NBAS: variants seen among roughly 807,000 people sequenced by gnomAD.
The protein encoded by NBAS is NAG/BC035112 fusion.
In NBAS, 219 loss-of-function variants were observed where a neutral mutation model predicts 302.5. The observed-to-expected ratio is 0.72, with a 90% CI of 0.65 to 0.81. The LOEUF (loss-of-function observed/expected upper bound fraction) is 0.81. Ranked by LOEUF, NBAS falls within the 30% of genes least tolerant of loss-of-function variation. The pLI is 0.00. For synonymous variants in NBAS, 1,118 were observed against 1,021.6 expected (o/e 1.09, Z -1.80); for missense variants, 2,932 against 2,841.6 (o/e 1.03, Z -0.72).
the NBAS span, among the ~76,000 whole-genome samples, chr2:14,925,234 C>G: frequency 6.6e-6 from 1 of 152,150 alleles, no homozygotes; most frequent in Non-Finnish European, 1.5e-5. Flanking sequence ...ATGTCCTCTC[C>G]TTTTCCATAT....
chr2:15,516,211 A>G (rs1199195066), intron 9 of NBAS, among the ~76,000 whole-genome samples: 2 of 152,214 alleles, frequency 1.3e-5, no homozygotes, highest in Admixed American at 1.3e-4. Context: ...AATTTCACAT[A>G]AATCCTGTAA....
chr2:15,403,864 CGTGTGTGTGTGTGT>C (rs10624311), intron 25 of NBAS, among the ~76,000 whole-genome samples: 5 of 135,410 alleles, frequency 3.7e-5, no homozygotes, highest in African/African-American at 1.1e-4. Flanking sequence ...TTCCTTCCTT[CGTGTGTGTGTGTGT>C]GTGTGTGTGT....
chr2:14,827,763 C>T, the NBAS span, among the ~76,000 whole-genome samples: 1 of 151,968 alleles, frequency 6.6e-6, no homozygotes, highest in Non-Finnish European at 1.5e-5. Flanking sequence ...CTTAGAGGAG[C>T]AGGGAATGGA....
At position 15,403,867 on chromosome 2, in the gene NBAS, G is replaced by A. The variant is rs868636645; in HGVS notation, c.2938-1566C>T. On this transcript the variant is annotated intron_variant, in intron 25 of 51. Coordinates refer to ENST00000281513, the MANE Select transcript of NBAS (RefSeq NM_015909.4). Reference sequence around the variant, plus strand: ...CCTGATTTATTTTTCCTTCCTTCGTGTGTGTGTGTGTGTGTGTGTGTGTGT... The same window carrying A: ...CCTGATTTATTTTTCCTTCCTTCGTATGTGTGTGTGTGTGTGTGTGTGTGT... Among the ~76,000 whole-genome samples, 450 of 134,058 alleles carry A rather than the reference G, an allele frequency of 3.4e-3. 4 individuals are homozygous for A. Among genetic ancestry groups the A allele is most frequent in the African/African-American group, 0.012 (421 of 33,904 alleles). 87.9% of individuals were successfully genotyped at this position (134,058 alleles called of 152,430 possible).
chr2:15,286,433 C>G (rs1166083022), intron 42 of NBAS, among the ~76,000 whole-genome samples: 1 of 152,208 alleles, frequency 6.6e-6, no homozygotes, highest in African/African-American at 2.4e-5. Flanking sequence ...GTCAAAAGCC[C>G]TTGCTAGGGC....
At chr2:15,193,970 T>C (rs1665488463) in intron 48 of NBAS, among the ~76,000 whole-genome samples, 1 of 151,496 alleles carries the variant, frequency 6.6e-6, no homozygotes, top group South Asian at 2.1e-4. Flanking sequence ...CTAAAGAACA[T>C]GGTATTCAGA....
In NBAS at chr2:15,379,453, T is replaced by C. The variant is rs1432328033; in HGVS notation, c.3590+149A>G. 5 of 798,374 alleles carry C rather than the reference T, an allele frequency of 6.3e-6. No homozygotes were observed. In the East Asian group the frequency reaches 8.0e-5, roughly 13 times the overall value. 49.5% of individuals were successfully genotyped at this position (798,374 alleles called of 1,614,324 possible). A position where few individuals can be genotyped will look rare whatever the true frequency, so the allele number is the denominator to read the frequency against. On this transcript the variant is annotated intron_variant, in intron 30 of 51. Coordinates refer to ENST00000281513, the MANE Select transcript of NBAS (RefSeq NM_015909.4). ...GACATTCATAACATAGTTTTTCTTT[T>C]TATATTCAAGCAAAAAATAACTGTG...
intron 48 of NBAS, among the ~76,000 whole-genome samples, chr2:15,215,153 G>A (rs770200802): frequency 2.6e-4 from 40 of 152,114 alleles, no homozygotes; most frequent in Middle Eastern, 3.4e-3. Flanking sequence ...CTGCCCCCAT[G>A]TCCCTCTCTT....
chr2:15,348,879 G>A (rs545636446), intron 35 of NBAS, among the ~76,000 whole-genome samples: 1 of 152,234 alleles, frequency 6.6e-6, no homozygotes, highest in South Asian at 2.1e-4. Flanking sequence ...ACGTCACACC[G>A]TAAAGTGCTA....
chr2:15,541,691 TA>T (rs894670839), intron 6 of NBAS, among the ~76,000 whole-genome samples: 1 of 151,508 alleles, frequency 6.6e-6, no homozygotes, highest in East Asian at 1.9e-4. Context: ...TAATTTTTTC[TA>T]AAAAATCAAT....
chr2:15,313,837 T>TGG (rs1418790597), intron 38 of NBAS, among the ~76,000 whole-genome samples: 6 of 152,220 alleles, frequency 3.9e-5, no homozygotes, highest in Non-Finnish European at 5.9e-5. Flanking sequence ...AAAGACTTCA[T>TGG]TCATGAGTTG....
chr2:15,398,408 G>A (rs924986655), intron 26 of NBAS, among the ~76,000 whole-genome samples: 5 of 152,086 alleles, frequency 3.3e-5, no homozygotes, highest in African/African-American at 1.2e-4. Flanking sequence ...TGGGATTACA[G>A]GCATGAGTAA....
the NBAS span, among the ~76,000 whole-genome samples, chr2:15,015,446 A>G: frequency 6.6e-6 from 1 of 152,226 alleles, no homozygotes; most frequent in South Asian, 2.1e-4. Context: ...ATCATGACCA[A>G]GTGGGGTTTA....
chr2:15,553,360 T>G, intron 5 of NBAS, 66 bp downstream of exon 5: 1 of 1,409,306 alleles, frequency 7.1e-7, no homozygotes, highest in Non-Finnish European at 1.0e-6. Flanking sequence ...AAATCTTAGT[T>G]TCCATTTATA....
chr2:15,546,669 A>T (rs780491683), intron 6 of NBAS, among the ~76,000 whole-genome samples: 1 of 152,236 alleles, frequency 6.6e-6, no homozygotes, highest in Non-Finnish European at 1.5e-5. Context: ...TGGAGGTTGC[A>T]GTGAGCCTAG....
At chr2:14,858,488 A>T in the NBAS span, among the ~76,000 whole-genome samples, 1 of 152,164 alleles carries the variant, frequency 6.6e-6, no homozygotes, top group Non-Finnish European at 1.5e-5. Flanking sequence ...ACAAAACAGA[A>T]TGAGGTCCTG....
the NBAS span, among the ~76,000 whole-genome samples, chr2:14,958,834 T>C: frequency 0.092 from 13,968 of 152,094 alleles, 673 homozygotes; most frequent in East Asian, 0.14. Flanking sequence ...ATCTACCAGG[T>C]CCATAAAAAT....
intron 44 of NBAS, among the ~76,000 whole-genome samples, chr2:15,267,335 A>T (rs898969450): frequency 4.6e-5 from 7 of 152,254 alleles, no homozygotes; most frequent in Non-Finnish European, 1.0e-4. Flanking sequence ...GGCCAGAATC[A>T]AAGGAGTCAA....
chr2:15,211,815 C>T (rs538868556), intron 48 of NBAS, among the ~76,000 whole-genome samples: 1 of 152,126 alleles, frequency 6.6e-6, no homozygotes, highest in East Asian at 1.9e-4. Context: ...AAGTTTACTT[C>T]CTAGGAAGTG....
Sources: allele counts gnomAD v4.1 joint callset (sites outside exome capture counted in the v4.1 genomes callset), GRCh38; gene constraint gnomAD v4.1.1; transcripts MANE v1.5; gene names NCBI Gene and HGNC (gene_info 2026-07-23, HGNC 2026-07-21).